OSBPL8: variants seen among roughly 807,000 people sequenced by gnomAD.
The protein encoded by OSBPL8 is oxysterol binding protein like 8.
OSBPL8 carries 59 observed loss-of-function variants against 125.5 expected under a neutral mutation model. That is an observed-to-expected ratio of 0.47 (90% CI 0.38 to 0.58). The LOEUF (loss-of-function observed/expected upper bound fraction) is 0.58, where lower values mean the gene tolerates loss of function less well. Ranked by LOEUF, OSBPL8 falls within the 20% of genes least tolerant of loss-of-function variation. The pLI, the probability that OSBPL8 is intolerant of heterozygous loss-of-function variation, is 0.00. For synonymous variants in OSBPL8, 330 were observed against 338.9 expected, an observed-to-expected ratio of 0.97 and a Z score of 0.29; for missense variants, 758 against 1,047.8, an observed-to-expected ratio of 0.72 and a Z score of 3.82.
intron 4 of OSBPL8, among the ~76,000 whole-genome samples, chr12:76,441,046 C>A (rs997405976): frequency 7.9e-5 from 12 of 152,168 alleles, no homozygotes; most frequent in African/African-American, 2.9e-4. Flanking sequence ...AGTTCACTTA[C>A]ATTAAGCTTT....
intron 1 of OSBPL8, among the ~76,000 whole-genome samples, chr12:76,522,061 T>C (rs1882112919): frequency 6.6e-6 from 1 of 152,184 alleles, no homozygotes; most frequent in African/African-American, 2.4e-5. Flanking sequence ...CACAACAAAT[T>C]GGTCTGGTGA....
rs1953607742 is a variant in OSBPL8 at position 76,392,561 on chromosome 12, C to G, written c.929+20G>C. The G allele has an allele frequency of 3.8e-6, 6 of 1,588,666 alleles. No individual in the cohort carries two copies. The highest frequency in any genetic ancestry group is 4.3e-6 in the Non-Finnish European group (5 of 1,161,386). ...TATGGTCTCTGAAACATTACCAACT[C>G]AGCGGCAGTATCTACTTACTGGAAG... On this transcript the variant is annotated intron_variant, in intron 10 of 23. Coordinates refer to ENST00000261183, the MANE Select transcript of OSBPL8 (RefSeq NM_020841.5).
chr12:76,375,324 A>G lies in OSBPL8; in HGVS notation c.1776T>C (p.Asn592=), dbSNP rs796196251. The G allele has an allele frequency of 1.9e-6, 3 of 1,612,276 alleles. No homozygotes were observed. Among genetic ancestry groups the G allele is most frequent in the African/African-American group, 1.3e-5 (1 of 74,818 alleles). Residue 592 remains asparagine, a synonymous_variant, in exon 17 of 24, where the codon AAT becomes AAC. Coordinates refer to ENST00000261183, the MANE Select transcript of OSBPL8 (RefSeq NM_020841.5). The stretch of plus-strand genomic sequence containing the variant: ...TGTATCCAGTTTTTTGACATGTAAT[A>G]TTGACTGTTCCACCAAGCTCCAGTG... The part of the protein sequence containing the change: ...TMTLELGGTV[N]ITCQKTGYSA...
chr12:76,450,708 TAAACA>T (rs1873282482), intron 4 of OSBPL8, 138 bp downstream of exon 4: 6 of 783,460 alleles, frequency 7.7e-6, no homozygotes, highest in Non-Finnish European at 1.2e-5. Context: ...ATAGATGACC[TAAACA>T]AAACAAACAA....
chr12:76,483,028 G>A (rs954416847), intron 2 of OSBPL8, among the ~76,000 whole-genome samples: 19 of 152,144 alleles, frequency 1.2e-4, no homozygotes, highest in African/African-American at 4.1e-4. Context: ...TTAGGAGGCC[G>A]AGGCAGGCGG....
At chr12:76,438,893 G>A (rs1406734280) in intron 4 of OSBPL8, among the ~76,000 whole-genome samples, 1 of 152,172 alleles carries the variant, frequency 6.6e-6, no homozygotes, top group Admixed American at 6.5e-5. Context: ...CTAGGTTCAT[G>A]AACAAGAAAT....
At chr12:76,471,759 C>A (rs958869160) in intron 2 of OSBPL8, among the ~76,000 whole-genome samples, 1 of 152,186 alleles carries the variant, frequency 6.6e-6, no homozygotes, top group African/African-American at 2.4e-5. Flanking sequence ...ACCCATCAAT[C>A]CTACACTTCA....
rs143988864 is a variant in OSBPL8, at chr12:76,353,682, T to A, written c.*2207A>T. On this transcript the variant is annotated 3_prime_UTR_variant, in exon 24 of 24. Coordinates refer to ENST00000261183, the MANE Select transcript of OSBPL8 (RefSeq NM_020841.5). ...AATTAAGCCACCAATTCCTGAGTTT[T>A]GTGTTCAGTTCATAGAAAGAGACTC... is the stretch of plus-strand genomic sequence containing the variant. 57 of 152,444 alleles carry A rather than the reference T, an allele frequency of 3.7e-4. No homozygotes were observed. The highest frequency in any genetic ancestry group is 1.4e-3 in the African/African-American group (57 of 41,448). 9.4% of individuals were successfully genotyped at this position (152,444 alleles called of 1,614,324 possible).
chr12:76,361,506 C>T (rs760443362), intron 21 of OSBPL8, among the ~76,000 whole-genome samples: 4 of 152,212 alleles, frequency 2.6e-5, no homozygotes, highest in East Asian at 1.9e-4. Flanking sequence ...GTTCCAAAGT[C>T]GCTTCCACAT....
At chr12:76,528,709 T>TAGTATTAGCTATAGCTATAGCTAC (rs1950250589) in intron 1 of OSBPL8, among the ~76,000 whole-genome samples, 2 of 152,018 alleles carry the variant, frequency 1.3e-5, no homozygotes, top group East Asian at 3.9e-4. Flanking sequence ...GATATAGCTA[T>TAGTATTAGCTATAGCTATAGCTAC]AGTATTAGCT....
chr12:76,541,757 A>C (rs565181494), intron 1 of OSBPL8, among the ~76,000 whole-genome samples: 2 of 151,376 alleles, frequency 1.3e-5, no homozygotes, highest in South Asian at 4.2e-4. Context: ...CGAGAGGCTG[A>C]GGCAGGGAGA....
chr12:76,461,332 C>A (rs1472283111), intron 2 of OSBPL8, among the ~76,000 whole-genome samples: 2 of 152,190 alleles, frequency 1.3e-5, no homozygotes, highest in Admixed American at 1.3e-4. Flanking sequence ...ACTGTCACTT[C>A]ATATGTCAGC....
Position 76,355,641 on chromosome 12 carries a change from A to T in OSBPL8, c.*248T>A. 1 of 409,228 alleles carries T rather than the reference A, an allele frequency of 2.4e-6. No individual in the cohort carries two copies. The highest frequency in any genetic ancestry group is 4.4e-6 in the Non-Finnish European group (1 of 228,438). The allele number at this position is 409,228 out of a possible 1,614,324, so 25.3% of individuals were successfully genotyped here. A position where few individuals can be genotyped will look rare whatever the true frequency, so the allele number is the denominator to read the frequency against. On this transcript the variant is annotated 3_prime_UTR_variant, in exon 24 of 24. Transcript: ENST00000261183. ...ATGTGGGTTTATTATACTCATATGT[A>T]GACACATTCTCACAAAAGCTAGAAA...
At chr12:76,399,294 C>T (rs1014592979) in intron 7 of OSBPL8, among the ~76,000 whole-genome samples, 1 of 151,934 alleles carries the variant, frequency 6.6e-6, no homozygotes, top group African/African-American at 2.4e-5. Context: ...TACGAGATCA[C>T]TCTTAAACTC....
intron 1 of OSBPL8, among the ~76,000 whole-genome samples, chr12:76,496,145 C>G (rs1227288024): frequency 6.6e-6 from 1 of 151,260 alleles, no homozygotes; most frequent in Non-Finnish European, 1.5e-5. Context: ...ACACATTAGT[C>G]TCTTCTTGTT....
chr12:76,521,184 T>TA (rs1882034094), intron 1 of OSBPL8, among the ~76,000 whole-genome samples: 2 of 152,308 alleles, frequency 1.3e-5, no homozygotes, highest in South Asian at 4.1e-4. Context: ...TCAAAACACA[T>TA]ACCTTGGGTT....
At chr12:76,477,435 C>G (rs933017475) in intron 2 of OSBPL8, among the ~76,000 whole-genome samples, 4 of 152,058 alleles carry the variant, frequency 2.6e-5, no homozygotes, top group Non-Finnish European at 4.4e-5. Context: ...TCTTCCTTCT[C>G]AAAATCCATT....
chr12:76,384,640 C>T (rs1953221911), intron 14 of OSBPL8, among the ~76,000 whole-genome samples: 1 of 152,142 alleles, frequency 6.6e-6, no homozygotes, highest in African/African-American at 2.4e-5. Context: ...GGTTACAAAG[C>T]ACCTTCCATG....
At chr12:76,529,187 A>T (rs1224802290) in intron 1 of OSBPL8, among the ~76,000 whole-genome samples, 1 of 152,194 alleles carries the variant, frequency 6.6e-6, no homozygotes, top group African/African-American at 2.4e-5. Flanking sequence ...AATTATTTAA[A>T]GCATTATGAA....
Sources: gnomAD v4.1 joint callset for allele counts (sites outside exome capture counted in the v4.1 genomes callset) on GRCh38, gnomAD v4.1.1 for gene constraint, MANE v1.5 for transcripts, NCBI Gene and HGNC (gene_info 2026-07-23, HGNC 2026-07-21) for gene names.